Variants in PHACTR1 observed in about 807,000 individuals in gnomAD.
PHACTR1 encodes the protein phosphatase and actin regulator 1.
In PHACTR1, 16 loss-of-function variants were observed where a neutral mutation model predicts 69.2. That is an observed-to-expected ratio of 0.23 (90% CI 0.16 to 0.35). The LOEUF is 0.35. Ranked by LOEUF, PHACTR1 falls within the 10% of genes least tolerant of loss-of-function variation. PHACTR1 has a pLI of 1.00. For synonymous variants in PHACTR1, 312 were observed against 284.5 expected (o/e 1.10, Z -0.97); for missense variants, 510 against 734.7 (o/e 0.69, Z 3.54).
chr6:13,141,365 T>C (rs566330507), intron 5 of PHACTR1, among the ~76,000 whole-genome samples: 2 of 152,234 alleles, frequency 1.3e-5, no homozygotes, highest in Non-Finnish European at 2.9e-5. Context: ...CATGATGTCC[T>C]AAAGAACCTG....
chr6:13,183,339 G>T lies in PHACTR1; in HGVS notation c.664+653G>T, dbSNP rs549653876. 3.3e-5 allele frequency among the ~76,000 whole-genome samples: 5 copies of T among 151,314 alleles called. No individual in the cohort carries two copies. The East Asian group carries it at 9.8e-4, about 30-fold the overall frequency. On this transcript the variant is annotated intron_variant, in intron 7 of 14. Transcript: ENST00000332995. Reference sequence around the variant, plus strand: ...GCTAATGAGCAGTGGTACTTGTCAGGAGATGAGTCTGGGAGAAGGAACCTC... The same window carrying T: ...GCTAATGAGCAGTGGTACTTGTCAGTAGATGAGTCTGGGAGAAGGAACCTC...
chr6:12,932,608 A>T (rs548605046), intron 4 of PHACTR1, among the ~76,000 whole-genome samples: 69 of 152,238 alleles, frequency 4.5e-4, no homozygotes, highest in Non-Finnish European at 7.8e-4. Flanking sequence ...TGTCATATTC[A>T]TAAAGACACA....
At chr6:13,094,834 ATCAC>A in intron 5 of PHACTR1, among the ~76,000 whole-genome samples, 1 of 152,232 alleles carries the variant, frequency 6.6e-6, no homozygotes, top group Non-Finnish European at 1.5e-5. Context: ...ACATTATTTA[ATCAC>A]TCACCCCTTC....
intron 4 of PHACTR1, among the ~76,000 whole-genome samples, chr6:12,915,979 T>C (rs1162121089): frequency 1.3e-5 from 2 of 152,158 alleles, no homozygotes; most frequent in East Asian, 3.8e-4. Flanking sequence ...AAACCTCTGG[T>C]ACCTGATCAG....
chr6:12,837,107 A>G (rs751592795), intron 4 of PHACTR1, among the ~76,000 whole-genome samples: 9 of 152,168 alleles, frequency 5.9e-5, no homozygotes, highest in Non-Finnish European at 1.0e-4. Context: ...CTGCTGTCTC[A>G]GTGTAATTGG....
chr6:12,926,477 A>T (rs10498680), intron 4 of PHACTR1, among the ~76,000 whole-genome samples: 14,221 of 152,186 alleles, frequency 0.093, 1,413 homozygotes, highest in African/African-American at 0.25. Context: ...CTATGTTTGG[A>T]TACCCTACAG....
chr6:12,860,001 C>CATT (rs1207527392), intron 4 of PHACTR1, among the ~76,000 whole-genome samples: 6 of 151,522 alleles, frequency 4.0e-5, no homozygotes, highest in African/African-American at 1.5e-4. Context: ...TCATCATCAT[C>CATT]ATCATTATTA....
intron 5 of PHACTR1, among the ~76,000 whole-genome samples, chr6:13,062,500 C>T (rs1807825336): frequency 6.6e-6 from 1 of 152,156 alleles, no homozygotes; most frequent in African/African-American, 2.4e-5. Flanking sequence ...CATGGAAGCC[C>T]ATGTTTCTAG....
In PHACTR1 at chr6:13,245,213, C is replaced by T. The variant is rs183279198; in HGVS notation, c.1391+15020C>T. The stretch of plus-strand genomic sequence containing the variant: ...GGGTATATACCCAGTAACGGGATTG[C>T]AAGGTCGACGGGTAATTCTGTTTTA... On this transcript the variant is annotated intron_variant, in intron 10 of 14. Transcript: ENST00000332995. This position sits in a 1 kb window ranked among gnomAD's most constrained non-coding sequence, Gnocchi z 4.1. Among the ~76,000 whole-genome samples, 82 of 152,298 alleles carry T rather than the reference C, an allele frequency of 5.4e-4. 1 individual carries two copies. Among genetic ancestry groups the T allele is most frequent in the African/African-American group, 1.9e-3 (77 of 41,566 alleles).
intron 4 of PHACTR1, among the ~76,000 whole-genome samples, chr6:12,817,391 T>C (rs923272879): frequency 1.3e-5 from 2 of 152,226 alleles, no homozygotes; most frequent in Admixed American, 1.3e-4. Context: ...CAATAATAAA[T>C]GGCTTGGGAA....
Position 13,254,255 on chromosome 6 carries a change from T to TA in PHACTR1, c.1392-18596dup, listed in dbSNP as rs58021858. Among the ~76,000 whole-genome samples the TA allele has an allele frequency of 1.4e-3, 216 of 150,954 alleles. 1 individual carries two copies. The highest frequency in any genetic ancestry group is 1.9e-3 in the African/African-American group (79 of 41,186). ...AAATAAAATAAATATAAAATAAATT[T>TA]AAAAAAAAACCAACTGGGGTATCCC... is the stretch of plus-strand genomic sequence containing the variant. On this transcript the variant is annotated intron_variant, in intron 10 of 14. Coordinates refer to ENST00000332995, the MANE Select transcript of PHACTR1 (RefSeq NM_030948.6).
At position 13,034,631 on chromosome 6, in the gene PHACTR1, C is replaced by G. The variant is rs148823690; in HGVS notation, c.251-18734C>G. ...ATTAGGGTTGGGGCTGGGTTGTTAT[C>G]TGAGTGTTATAGAGAGGACTTGTTT... On this transcript the variant is annotated intron_variant, in intron 4 of 14. Transcript: ENST00000332995. Among the ~76,000 whole-genome samples the G allele has an allele frequency of 1.7e-3, 261 of 152,248 alleles. 1 individual carries two copies. Among genetic ancestry groups the G allele is most frequent in the African/African-American group, 6.2e-3 (256 of 41,562 alleles).
At chr6:12,937,296 G>T (rs1046465052) in intron 4 of PHACTR1, among the ~76,000 whole-genome samples, 1 of 151,866 alleles carries the variant, frequency 6.6e-6, no homozygotes, top group African/African-American at 2.4e-5. Context: ...TCAAAGGAAG[G>T]CCCTTGAAGA....
At chr6:13,074,865 G>T (rs1810171670) in intron 5 of PHACTR1, among the ~76,000 whole-genome samples, 1 of 152,132 alleles carries the variant, frequency 6.6e-6, no homozygotes, top group Non-Finnish European at 1.5e-5. Context: ...CAGTTAATGG[G>T]AAAAAGCAAG....
chr6:12,844,397 C>G (rs1436023550), intron 4 of PHACTR1, among the ~76,000 whole-genome samples: 2 of 151,858 alleles, frequency 1.3e-5, no homozygotes, highest in African/African-American at 2.4e-5. Flanking sequence ...ACCCTATCCC[C>G]CGCCCCCAAA....
intron 6 of PHACTR1, among the ~76,000 whole-genome samples, chr6:13,167,831 A>G (rs915431724): frequency 6.6e-6 from 1 of 152,106 alleles, no homozygotes; most frequent in Admixed American, 6.6e-5. Context: ...GAAATGGACA[A>G]CTCTTTTACA....
intron 3 of PHACTR1, among the ~76,000 whole-genome samples, chr6:12,729,214 A>G (rs1172533773): frequency 6.6e-6 from 1 of 152,210 alleles, no homozygotes; most frequent in African/African-American, 2.4e-5. Flanking sequence ...AACAAGAACA[A>G]GCAGCACAAC....
chr6:13,175,931 C>T (rs1583731315), intron 6 of PHACTR1, among the ~76,000 whole-genome samples: 1 of 152,088 alleles, frequency 6.6e-6, no homozygotes, highest in East Asian at 1.9e-4. Flanking sequence ...CTGGGAAAGT[C>T]TGAGTCTGGA....
At chr6:13,208,326 A>T (rs1450655208) in intron 8 of PHACTR1, among the ~76,000 whole-genome samples, 1 of 152,208 alleles carries the variant, frequency 6.6e-6, no homozygotes. Flanking sequence ...CAAGTTTTAG[A>T]TACTCTTACA....
Sources: allele counts gnomAD v4.1 joint callset (sites outside exome capture counted in the v4.1 genomes callset), GRCh38; gene constraint gnomAD v4.1.1; non-coding constraint Gnocchi (gnomAD v3.1); transcripts MANE v1.5; gene names NCBI Gene and HGNC (gene_info 2026-07-23, HGNC 2026-07-21).